Variants in CCDC73 observed in about 807,000 individuals in gnomAD.
CCDC73 encodes the protein coiled-coil domain containing 73, also known as coiled-coil domain-containing protein 73.
CCDC73 carries 95 observed loss-of-function variants against 116.5 expected under a neutral mutation model. The ratio of observed to expected loss-of-function variants is 0.82; its 90% CI spans 0.69 to 0.97. The LOEUF is 0.97. Among genes scored for constraint, CCDC73 ranks in the 50% least tolerant of loss-of-function variants. CCDC73 has a pLI of 0.00. For missense variants in CCDC73, 1,066 were observed against 1,206.8 expected (o/e 0.88, Z 1.73); for synonymous variants, 398 against 401.3 (o/e 0.99, Z 0.10).
intron 1 of CCDC73, among the ~76,000 whole-genome samples, chr11:32,790,269 A>C (rs1850663570): frequency 6.6e-6 from 1 of 152,188 alleles, no homozygotes; most frequent in South Asian, 2.1e-4. Context: ...ATCAAATTCC[A>C]TCTCCTCTGA....
chr11:32,720,168 A>G (rs1027370820), intron 2 of CCDC73, among the ~76,000 whole-genome samples: 1 of 152,182 alleles, frequency 6.6e-6, no homozygotes, highest in African/African-American at 2.4e-5. Context: ...AACAGAATCC[A>G]ACAATATAAT....
intron 2 of CCDC73, among the ~76,000 whole-genome samples, chr11:32,720,714 A>G (rs1375201721): frequency 6.6e-6 from 1 of 152,194 alleles, no homozygotes; most frequent in African/African-American, 2.4e-5. Flanking sequence ...TCACATTTCT[A>G]TATTTTAACA....
At chr11:32,656,931 G>A (rs1855879360) in intron 9 of CCDC73, among the ~76,000 whole-genome samples, 1 of 152,102 alleles carries the variant, frequency 6.6e-6, no homozygotes, top group Non-Finnish European at 1.5e-5. Flanking sequence ...TATGTGATTA[G>A]TATTTTCTAT....
intron 2 of CCDC73, among the ~76,000 whole-genome samples, chr11:32,738,166 G>C (rs1850152258): frequency 6.6e-6 from 1 of 152,188 alleles, no homozygotes; most frequent in African/African-American, 2.4e-5. Flanking sequence ...ATAAACACGG[G>C]AGTACAGATA....
At position 32,614,060 on chromosome 11, in the gene CCDC73, C is replaced by CTGAG. The variant is rs1214332057; in HGVS notation, c.2257_2258insCTCA (p.Ser753ThrfsTer3). 6.2e-7 allele frequency: 1 copy of CTGAG among 1,613,044 alleles called. No individual in the cohort carries two copies. Among genetic ancestry groups the CTGAG allele is most frequent in the Non-Finnish European group, 8.5e-7 (1 of 1,179,894 alleles). On this transcript the variant is annotated frameshift_variant, in exon 16 of 18. Transcript: ENST00000335185. LOFTEE classifies it high-confidence loss of function. ...ATTAAATTGACTGTTTTGCATATCA[C>CTGAG]TCATATTTTTACACATAGTTTTTCC...
intron 2 of CCDC73, among the ~76,000 whole-genome samples, chr11:32,737,315 TACATA>T (rs1850142651): frequency 6.7e-6 from 1 of 148,890 alleles, no homozygotes; most frequent in Non-Finnish European, 1.5e-5. Flanking sequence ...AGGCATACAT[TACATA>T]AAAGTCACAT....
chr11:32,639,389 G>T (rs535178194), intron 13 of CCDC73, among the ~76,000 whole-genome samples: 1 of 152,186 alleles, frequency 6.6e-6, no homozygotes, highest in South Asian at 2.1e-4. Flanking sequence ...TGAAAACCCA[G>T]TGCCTAGAAT....
At chr11:32,656,756 C>A (rs534228339) in intron 9 of CCDC73, among the ~76,000 whole-genome samples, 1 of 152,282 alleles carries the variant, frequency 6.6e-6, no homozygotes, top group South Asian at 2.1e-4. Context: ...CAATGCCCTT[C>A]CAATAAATTC....
chr11:32,791,624 A>G (rs1334678048), intron 1 of CCDC73, among the ~76,000 whole-genome samples: 1 of 152,190 alleles, frequency 6.6e-6, no homozygotes, highest in Non-Finnish European at 1.5e-5. Context: ...CTAGTGGCCT[A>G]AACTGATTGT....
chr11:32,739,009 G>A (rs1039178813), intron 2 of CCDC73, among the ~76,000 whole-genome samples: 1 of 152,084 alleles, frequency 6.6e-6, no homozygotes, highest in African/African-American at 2.4e-5. Context: ...CTATAGGTGT[G>A]TGACTTTGTT....
At chr11:32,774,739 T>A (rs1850519217) in intron 1 of CCDC73, among the ~76,000 whole-genome samples, 1 of 152,252 alleles carries the variant, frequency 6.6e-6, no homozygotes, top group Admixed American at 6.5e-5. Flanking sequence ...CAATGATTTA[T>A]TATTTCTTAT....
chr11:32,735,228 T>C (rs1175834511), intron 2 of CCDC73, among the ~76,000 whole-genome samples: 1 of 152,152 alleles, frequency 6.6e-6, no homozygotes, highest in Non-Finnish European at 1.5e-5. Flanking sequence ...GGAAGTCAAA[T>C]TGTCCCTGTT....
chr11:32,620,876 C>T (rs1855517896), intron 14 of CCDC73, among the ~76,000 whole-genome samples: 1 of 151,890 alleles, frequency 6.6e-6, no homozygotes. Context: ...TCCTATATGC[C>T]AACAATAGAC....
intron 1 of CCDC73, among the ~76,000 whole-genome samples, chr11:32,793,053 A>G (rs1009290688): frequency 5.9e-5 from 9 of 152,238 alleles, no homozygotes; most frequent in Non-Finnish European, 1.2e-4. Context: ...TAAAAACCCT[A>G]TGCTGCCGCC....
intron 3 of CCDC73, among the ~76,000 whole-genome samples, chr11:32,713,238 C>T (rs571372153): frequency 1.1e-4 from 16 of 152,218 alleles, no homozygotes; most frequent in Non-Finnish European, 1.5e-4. Context: ...ATCATGACTC[C>T]TTACCAGAGG....
intron 1 of CCDC73, among the ~76,000 whole-genome samples, chr11:32,764,341 A>G (rs988422533): frequency 6.6e-5 from 10 of 152,202 alleles, no homozygotes; most frequent in Non-Finnish European, 1.3e-4. Flanking sequence ...ATGAAGGAAA[A>G]AATGTTAAGG....
chr11:32,745,222 A>G (rs534280528), intron 2 of CCDC73, among the ~76,000 whole-genome samples: 26 of 152,256 alleles, frequency 1.7e-4, no homozygotes, highest in African/African-American at 6.0e-4. Context: ...GTTTTGAGTG[A>G]GTTTCTTAAT....
intron 2 of CCDC73, among the ~76,000 whole-genome samples, chr11:32,757,455 C>G (rs1240998225): frequency 1.3e-5 from 2 of 152,088 alleles, no homozygotes; most frequent in East Asian, 3.8e-4. Flanking sequence ...ACTATGAGAT[C>G]AAGCATAGAA....
chr11:32,760,555 T>A (rs916000208), intron 1 of CCDC73, among the ~76,000 whole-genome samples: 2 of 152,230 alleles, frequency 1.3e-5, no homozygotes, highest in African/African-American at 4.8e-5. Flanking sequence ...GCAGGCAAGT[T>A]GCTTCATGCC....
Sources: allele counts gnomAD v4.1 joint callset (sites outside exome capture counted in the v4.1 genomes callset), GRCh38; gene constraint gnomAD v4.1.1; transcripts MANE v1.5; gene names NCBI Gene and HGNC (gene_info 2026-07-23, HGNC 2026-07-21).